TAFA2: variants seen among roughly 807,000 people sequenced by gnomAD.
TAFA2 encodes the protein TAFA chemokine like family member 2.
Under a neutral mutation model 18.8 loss-of-function variants are expected in TAFA2, and 7 were observed. The ratio of observed to expected loss-of-function variants is 0.37; its 90% confidence interval spans 0.21 to 0.70. The LOEUF is 0.70. Ranked by LOEUF, TAFA2 falls within the 30% of genes least tolerant of loss-of-function variation. The probability of loss-of-function intolerance (pLI) is 0.53; values close to 1 mark genes in which losing one functional copy is unlikely to be tolerated. For missense variants in TAFA2, 122 were observed against 158.1 expected, an observed-to-expected ratio of 0.77 and a Z score of 1.23; for synonymous variants, 60 against 54.2, an observed-to-expected ratio of 1.11 and a Z score of -0.47.
intron 1 of TAFA2, among the ~76,000 whole-genome samples, chr12:62,186,961 T>C (rs1229700312): frequency 6.6e-6 from 1 of 152,168 alleles, no homozygotes; most frequent in Non-Finnish European, 1.5e-5. Context: ...ATCCATGTGG[T>C]ATACACATTA....
chr12:61,739,109 T>A (rs181548740), intron 4 of TAFA2, among the ~76,000 whole-genome samples: 99 of 152,150 alleles, frequency 6.5e-4, no homozygotes, highest in African/African-American at 2.2e-3. Context: ...ATTGTCATCA[T>A]CTCCCAGATG....
chr12:61,728,844 T>C lies in TAFA2; in HGVS notation c.385-18427A>G, dbSNP rs147761852. ...TTATTGTTTTATAGTCCCTGTAAGA[T>C]TTATGCTTTAAAAAGTTTCTATTTT... On this transcript the variant is annotated intron_variant, in intron 4 of 4. Coordinates refer to ENST00000416284, the MANE Select transcript of TAFA2 (RefSeq NM_178539.5). 2.0e-3 allele frequency among the ~76,000 whole-genome samples: 302 copies of C among 152,148 alleles called. 1 individual carries two copies. The highest frequency in any genetic ancestry group is 6.8e-3 in the Middle Eastern group (2 of 294).
At chr12:61,947,736 T>C (rs1878329005) in intron 1 of TAFA2, among the ~76,000 whole-genome samples, 1 of 152,190 alleles carries the variant, frequency 6.6e-6, no homozygotes, top group South Asian at 2.1e-4. Context: ...CTCCTCGATA[T>C]GTAAGTGATA....
chr12:61,725,229 G>A (rs1268088358), intron 4 of TAFA2, among the ~76,000 whole-genome samples: 1 of 151,944 alleles, frequency 6.6e-6, no homozygotes, highest in African/African-American at 2.4e-5. Context: ...CCCACTCTGT[G>A]GGTTGTCTGT....
intron 1 of TAFA2, among the ~76,000 whole-genome samples, chr12:62,219,019 C>CATATA (rs1565781898): frequency 1.3e-5 from 2 of 151,788 alleles, no homozygotes; most frequent in East Asian, 3.9e-4. Flanking sequence ...AAGATGAGGA[C>CATATA]AAAATAGCAT....
At chr12:61,910,596 G>A (rs573786358) in intron 1 of TAFA2, among the ~76,000 whole-genome samples, 1 of 152,172 alleles carries the variant, frequency 6.6e-6, no homozygotes, top group Non-Finnish European at 1.5e-5. Context: ...CCATCAAGGA[G>A]CTCCCATTTT....
chr12:62,157,050 CA>C lies in TAFA2; in HGVS notation c.-2+34208del, dbSNP rs774406947. ...TATATATGCCCTTAGACCTCATTTGCAAGTGATAAAATTAAACTGTAATTAT... is the reference window on the plus strand; with the variant it reads ...TATATATGCCCTTAGACCTCATTTGCAGTGATAAAATTAAACTGTAATTAT... On this transcript the variant is annotated intron_variant, in intron 1 of 4. Coordinates refer to ENST00000416284, the MANE Select transcript of TAFA2 (RefSeq NM_178539.5). Among the ~76,000 whole-genome samples, 4 of 151,850 alleles carry C rather than the reference CA, an allele frequency of 2.6e-5. No individual in the cohort carries two copies. In the East Asian group the frequency reaches 7.7e-4, roughly 29 times the overall value.
At chr12:61,823,114 CTTTTAG>C (rs1446855478) in intron 2 of TAFA2, among the ~76,000 whole-genome samples, 1 of 152,102 alleles carries the variant, frequency 6.6e-6, no homozygotes. Flanking sequence ...TTAAAAGAAT[CTTTTAG>C]TTTTATTCTT....
chr12:62,159,164 G>T (rs2062390440), intron 1 of TAFA2, among the ~76,000 whole-genome samples: 1 of 152,178 alleles, frequency 6.6e-6, no homozygotes, highest in Non-Finnish European at 1.5e-5. Context: ...GTGGCTAAAA[G>T]ACACGTTTTT....
intron 2 of TAFA2, among the ~76,000 whole-genome samples, chr12:61,766,924 G>A (rs1216447677): frequency 6.6e-6 from 1 of 152,042 alleles, no homozygotes; most frequent in East Asian, 1.9e-4. Context: ...GATAAACCCT[G>A]GATGGGGAGG....
intron 2 of TAFA2, among the ~76,000 whole-genome samples, chr12:61,822,680 T>C (rs1339062396): frequency 1.3e-5 from 2 of 152,150 alleles, no homozygotes; most frequent in Non-Finnish European, 2.9e-5. Flanking sequence ...TCCTAGAACA[T>C]AATATGATGG....
At chr12:61,827,438 T>C (rs1007121867) in intron 2 of TAFA2, among the ~76,000 whole-genome samples, 13 of 152,072 alleles carry the variant, frequency 8.5e-5, no homozygotes, top group Non-Finnish European at 2.9e-5. Context: ...TTCCTAGATA[T>C]CATTTTAATT....
intron 2 of TAFA2, among the ~76,000 whole-genome samples, chr12:61,823,304 C>T (rs556714635): frequency 6.6e-6 from 1 of 152,048 alleles, no homozygotes; most frequent in Admixed American, 6.6e-5. Context: ...TCCCAAAATG[C>T]TGGAATTACA....
chr12:61,863,134 A>G (rs1592443032), intron 2 of TAFA2, among the ~76,000 whole-genome samples: 1 of 152,170 alleles, frequency 6.6e-6, no homozygotes, highest in Non-Finnish European at 1.5e-5. Flanking sequence ...TACCAGAGGA[A>G]ACAGTAGCAG....
chr12:61,787,608 A>C (rs2120913983), intron 2 of TAFA2, among the ~76,000 whole-genome samples: 2 of 151,820 alleles, frequency 1.3e-5, no homozygotes, highest in East Asian at 1.9e-4. Context: ...CTGTGACCAA[A>C]GTTACACTGT....
chr12:62,025,898 T>C (rs1388625962), intron 1 of TAFA2, among the ~76,000 whole-genome samples: 1 of 152,064 alleles, frequency 6.6e-6, no homozygotes, highest in Non-Finnish European at 1.5e-5. Context: ...ACCTACCATA[T>C]GTACTGCAGA....
chr12:61,878,725 T>C (rs940379272), intron 1 of TAFA2, among the ~76,000 whole-genome samples: 3 of 152,244 alleles, frequency 2.0e-5, no homozygotes, highest in Non-Finnish European at 2.9e-5. Flanking sequence ...TTGTAGGCAG[T>C]AGAATACTTT....
At chr12:62,161,535 T>C (rs1025595690) in intron 1 of TAFA2, among the ~76,000 whole-genome samples, 62 of 152,122 alleles carry the variant, frequency 4.1e-4, no homozygotes, top group African/African-American at 1.3e-3. Context: ...TGATAGAGGA[T>C]GGAGACTCAG....
At chr12:61,906,352 C>T (rs145339070) in intron 1 of TAFA2, among the ~76,000 whole-genome samples, 75 of 152,230 alleles carry the variant, frequency 4.9e-4, no homozygotes, top group Middle Eastern at 3.4e-3. Flanking sequence ...ATAAGTCTCA[C>T]GAGATCTGAT....
Sources: gnomAD v4.1 joint callset for allele counts (sites outside exome capture counted in the v4.1 genomes callset) on GRCh38, gnomAD v4.1.1 for gene constraint, MANE v1.5 for transcripts, NCBI Gene and HGNC (gene_info 2026-07-23, HGNC 2026-07-21) for gene names.